The following UNC13B variants were observed in gnomAD, a reference collection of about 807,000 sequenced individuals.
UNC13B encodes unc-13 homolog B, also known as protein unc-13 homolog B.
UNC13B carries 144 observed loss-of-function variants against 211.0 expected under a neutral mutation model. The ratio of observed to expected loss-of-function variants is 0.68; its 90% CI spans 0.60 to 0.78. The LOEUF is 0.78. Ranked by LOEUF, UNC13B falls within the 30% of genes least tolerant of loss-of-function variation. The pLI is 0.00. For synonymous variants in UNC13B, 709 were observed against 725.8 expected (o/e 0.98, Z 0.37); for missense variants, 1,777 against 2,002.0 (o/e 0.89, Z 2.14).
intron 1 of UNC13B, among the ~76,000 whole-genome samples, chr9:35,192,358 T>A (rs944849359): frequency 1.3e-5 from 2 of 152,258 alleles, no homozygotes; most frequent in African/African-American, 4.8e-5. Context: ...TTGCTTATTA[T>A]AGGAGACATA....
chr9:35,345,547 T>C (rs1832300952), intron 11 of UNC13B, among the ~76,000 whole-genome samples: 1 of 152,118 alleles, frequency 6.6e-6, no homozygotes, highest in Non-Finnish European at 1.5e-5. Flanking sequence ...GAATTTTCAC[T>C]AAAATGACCT....
At chr9:35,377,389 T>C in intron 15 of UNC13B, 79 bp from the exon 16 acceptor site, 1 of 1,462,226 alleles carries the variant, frequency 6.8e-7, no homozygotes. Flanking sequence ...TCCACTGCTC[T>C]GCAGCCTCTC....
chr9:35,207,407 G>T (rs1019076572), intron 1 of UNC13B, among the ~76,000 whole-genome samples: 5 of 151,838 alleles, frequency 3.3e-5, no homozygotes, highest in African/African-American at 1.2e-4. Context: ...CTACAGGTGT[G>T]CACCACCACC....
In UNC13B at chr9:35,393,815, C is replaced by A. The variant is rs540141707; in HGVS notation, c.11309-2661C>A. On this transcript the variant is annotated intron_variant, in intron 26 of 39. Coordinates refer to ENST00000635942, the MANE Select transcript of UNC13B (RefSeq NM_001371189.2). The stretch of plus-strand genomic sequence containing the variant: ...TTGAACCCTAGCCTCAAGTGATCCA[C>A]CCCCCTCAGCCTCCCAAAGTGCTGG... 2.6e-5 allele frequency among the ~76,000 whole-genome samples: 4 copies of A among 152,096 alleles called. No homozygotes were observed. In the East Asian group the frequency reaches 7.7e-4, roughly 29 times the overall value.
At chr9:35,246,749 C>T (rs1214193407) in intron 6 of UNC13B, among the ~76,000 whole-genome samples, 12 of 151,964 alleles carry the variant, frequency 7.9e-5, no homozygotes, top group African/African-American at 1.7e-4. Context: ...TTTTAATTAC[C>T]GTAGCCTTGT....
rs536662579 is a variant in UNC13B at position 35,301,710 on chromosome 9, T to G, written c.2306T>G (p.Ile769Arg). The G allele has an allele frequency of 5.0e-6, 2 of 398,676 alleles. No individual in the cohort carries two copies. The highest frequency in any genetic ancestry group is 8.9e-6 in the Non-Finnish European group (2 of 225,902). 24.7% of individuals were successfully genotyped at this position (398,676 alleles called of 1,614,324 possible). A position where few individuals can be genotyped will look rare whatever the true frequency, so the allele number is the denominator to read the frequency against. The change falls in exon 9 of 40, where the codon ATA becomes AGA. Residue 769 changes from isoleucine (I) to arginine (R), a missense_variant. Coordinates refer to ENST00000635942, the MANE Select transcript of UNC13B (RefSeq NM_001371189.2). ...TCTCTTTTACCAGATCAACAAAAAATATGTGCCAAAGATACTCCAGGACAT... is the reference window on the plus strand; with the variant it reads ...TCTCTTTTACCAGATCAACAAAAAAGATGTGCCAAAGATACTCCAGGACAT... The part of the protein sequence containing the change: ...DLSLLPDQQK[I>R]CAKDTPGHPC...
intron 11 of UNC13B, chr9:35,353,799 A>T (rs1832863045): frequency 1.6e-6 from 2 of 1,231,810 alleles, no homozygotes; most frequent in Non-Finnish European, 2.0e-6. Context: ...TCAGTAGAAG[A>T]CATACACTCA....
At chr9:35,283,875 A>G (rs1222958963) in intron 7 of UNC13B, among the ~76,000 whole-genome samples, 2 of 152,310 alleles carry the variant, frequency 1.3e-5, no homozygotes, top group East Asian at 3.9e-4. Flanking sequence ...GCTGGTAGCT[A>G]CTGAAAAGGA....
intron 7 of UNC13B, chr9:35,291,081 A>G (rs1829075962): frequency 3.2e-6 from 5 of 1,550,420 alleles, no homozygotes; most frequent in South Asian, 1.2e-5. Flanking sequence ...CACTGGACCT[A>G]TTTGGGCTGG....
At chr9:35,329,419 G>A (rs371497294) in intron 11 of UNC13B, among the ~76,000 whole-genome samples, 1 of 152,070 alleles carries the variant, frequency 6.6e-6, no homozygotes, top group East Asian at 1.9e-4. Context: ...GACAAGCCAA[G>A]GAAAGAGGCC....
chr9:35,297,000 G>A (rs978018598), intron 8 of UNC13B, among the ~76,000 whole-genome samples: 17 of 152,034 alleles, frequency 1.1e-4, no homozygotes, highest in Middle Eastern at 3.4e-3. Context: ...ATCCAGAACC[G>A]TGATGCATTG....
chr9:35,235,077 A>G (rs962443767), intron 3 of UNC13B, among the ~76,000 whole-genome samples: 17 of 152,102 alleles, frequency 1.1e-4, no homozygotes, highest in African/African-American at 4.1e-4. Flanking sequence ...CACAGGTACT[A>G]TTTGCGTATT....
At chr9:35,286,324 C>T (rs929415642) in intron 7 of UNC13B, among the ~76,000 whole-genome samples, 4 of 151,408 alleles carry the variant, frequency 2.6e-5, no homozygotes, top group Non-Finnish European at 5.9e-5. Flanking sequence ...CCTCCACCTC[C>T]CAAGTTCAAG....
At chr9:35,399,564 G>A in intron 35 of UNC13B, 85 bp from the exon 36 acceptor site, 1 of 1,598,414 alleles carries the variant, frequency 6.3e-7, no homozygotes, top group Non-Finnish European at 8.6e-7. Context: ...AGGAGGAGAT[G>A]AATATGCACT....
intron 1 of UNC13B, among the ~76,000 whole-genome samples, chr9:35,221,147 C>G (rs943141916): frequency 6.6e-6 from 1 of 152,100 alleles, no homozygotes; most frequent in Admixed American, 6.5e-5. Flanking sequence ...CAGCTCACTG[C>G]GAACTCTGCC....
intron 11 of UNC13B, chr9:35,351,413 A>G: frequency 8.1e-7 from 1 of 1,230,394 alleles, no homozygotes; most frequent in Non-Finnish European, 1.0e-6. Context: ...TAATTGCTAG[A>G]AACAAACTGA....
At chr9:35,341,033 T>G (rs996568792) in intron 11 of UNC13B, among the ~76,000 whole-genome samples, 15 of 152,298 alleles carry the variant, frequency 9.8e-5, no homozygotes, top group Admixed American at 9.2e-4. Flanking sequence ...ACCTGGCTAG[T>G]GAGTCTCCAG....
intron 11 of UNC13B, among the ~76,000 whole-genome samples, chr9:35,366,252 T>C (rs1833763414): frequency 6.6e-6 from 1 of 152,224 alleles, no homozygotes; most frequent in Admixed American, 6.5e-5. Context: ...TTTGTTTTCT[T>C]TTGGTACAGA....
intron 13 of UNC13B, among the ~76,000 whole-genome samples, chr9:35,374,925 G>C (rs1834297678): frequency 1.3e-5 from 2 of 152,240 alleles, no homozygotes; most frequent in African/African-American, 4.8e-5. Context: ...AACATAGTTA[G>C]AGCAGCCCCC....
Sources: gnomAD v4.1 joint callset for allele counts (sites outside exome capture counted in the v4.1 genomes callset) on GRCh38, gnomAD v4.1.1 for gene constraint, MANE v1.5 for transcripts, NCBI Gene and HGNC (gene_info 2026-07-23, HGNC 2026-07-21) for gene names.